LDLRAD3: variants seen among roughly 807,000 people sequenced by gnomAD.
LDLRAD3 encodes low density lipoprotein receptor class A domain containing 3, also known as low-density lipoprotein receptor class A domain-containing protein 3.
A neutral mutation model predicts 29.4 loss-of-function variants in LDLRAD3; 20 were observed. That is an observed-to-expected ratio of 0.68 (90% CI 0.48 to 0.99). LDLRAD3 has a LOEUF of 0.99. Ranked by LOEUF, LDLRAD3 falls within the 50% of genes least tolerant of loss-of-function variation. The pLI, the probability that LDLRAD3 is intolerant of heterozygous loss-of-function variation, is 0.00. For missense variants in LDLRAD3, 420 were observed against 454.3 expected (o/e 0.92, Z 0.69); for synonymous variants, 157 against 192.7 (o/e 0.81, Z 1.53).
intron 4 of LDLRAD3, among the ~76,000 whole-genome samples, chr11:36,220,297 A>G (rs1855410796): frequency 6.6e-6 from 1 of 152,174 alleles, no homozygotes. Flanking sequence ...TTTCTTCTAA[A>G]GTTAAACATA....
At chr11:36,072,797 G>A (rs1321983105) in intron 2 of LDLRAD3, among the ~76,000 whole-genome samples, 2 of 152,178 alleles carry the variant, frequency 1.3e-5, no homozygotes, top group East Asian at 1.9e-4. Context: ...GCTGTTACAC[G>A]AGTCTTTGTC....
chr11:35,967,236 TC>T (rs1008619977), intron 1 of LDLRAD3: 4 of 206,816 alleles, frequency 1.9e-5, no homozygotes, highest in Non-Finnish European at 3.0e-5. Flanking sequence ...TCTTCTGCTT[TC>T]CCCAGGGAGG....
chr11:36,102,548 G>C (rs1853466057), intron 4 of LDLRAD3, among the ~76,000 whole-genome samples: 1 of 152,062 alleles, frequency 6.6e-6, no homozygotes, highest in Non-Finnish European at 1.5e-5. Flanking sequence ...CCTTGGCCTT[G>C]AAAACTAACA....
At chr11:36,067,862 G>C (rs974657117) in intron 2 of LDLRAD3, among the ~76,000 whole-genome samples, 1 of 152,022 alleles carries the variant, frequency 6.6e-6, no homozygotes, top group Non-Finnish European at 1.5e-5. Flanking sequence ...TAGAGATAAG[G>C]TTTCACCATG....
Position 36,229,673 on chromosome 11 carries a change from G to A in LDLRAD3, c.*276G>A, listed in dbSNP as rs1855550198. 3 of 467,674 alleles carry A rather than the reference G, an allele frequency of 6.4e-6. No individual in the cohort carries two copies. Among genetic ancestry groups the A allele is most frequent in the Admixed American group, 3.6e-5 (1 of 27,648 alleles). The allele number at this position is 467,674 out of a possible 1,614,324, so 29.0% of individuals were successfully genotyped here. A position where few individuals can be genotyped will look rare whatever the true frequency, so the allele number is the denominator to read the frequency against. ...TCATTTTTCACATTATTCTGTTTCT[G>A]TTGGAGAGACAGCATATAAAACAGT... On this transcript the variant is annotated 3_prime_UTR_variant, in exon 6 of 6. Coordinates refer to ENST00000315571, the MANE Select transcript of LDLRAD3 (RefSeq NM_174902.4).
At chr11:36,081,328 A>T (rs1242575236) in intron 2 of LDLRAD3, among the ~76,000 whole-genome samples, 4 of 152,232 alleles carry the variant, frequency 2.6e-5, no homozygotes, top group African/African-American at 9.6e-5. Flanking sequence ...TTGGTGCTTC[A>T]GCACCTTCAT....
intron 2 of LDLRAD3, among the ~76,000 whole-genome samples, chr11:36,053,741 C>A (rs992924919): frequency 6.6e-6 from 1 of 152,166 alleles, no homozygotes; most frequent in Non-Finnish European, 1.5e-5. Flanking sequence ...CCATTAAGAT[C>A]TCTCTTCAGT....
intron 4 of LDLRAD3, among the ~76,000 whole-genome samples, chr11:36,108,214 G>A (rs894265694): frequency 6.6e-6 from 1 of 150,558 alleles, no homozygotes; most frequent in African/African-American, 2.4e-5. Flanking sequence ...CAGCTACTCT[G>A]GAGGCTGAGG....
intron 4 of LDLRAD3, among the ~76,000 whole-genome samples, chr11:36,125,822 A>G (rs540964307): frequency 8.3e-4 from 126 of 152,178 alleles, no homozygotes; most frequent in Middle Eastern, 3.4e-3. Flanking sequence ...AGTGCACAAG[A>G]TGTTTTCAAG....
At chr11:36,156,568 T>C (rs1434810679) in intron 4 of LDLRAD3, among the ~76,000 whole-genome samples, 1 of 152,220 alleles carries the variant, frequency 6.6e-6, no homozygotes, top group Admixed American at 6.5e-5. Flanking sequence ...AGATTGGGTT[T>C]TGTTTGTTTA....
chr11:36,061,341 A>G (rs1852696346), intron 2 of LDLRAD3, among the ~76,000 whole-genome samples: 1 of 152,074 alleles, frequency 6.6e-6, no homozygotes, highest in South Asian at 2.1e-4. Flanking sequence ...GGGTTTCACC[A>G]TGTTGGTCAG....
Position 36,223,612 on chromosome 11 carries a change from C to T in LDLRAD3, c.455-3473C>T, listed in dbSNP as rs183395129. Among the ~76,000 whole-genome samples the T allele has an allele frequency of 5.1e-3, 772 of 152,092 alleles. 8 individuals are homozygous for T. Among genetic ancestry groups the T allele is most frequent in the African/African-American group, 0.017 (698 of 41,484 alleles). On this transcript the variant is annotated intron_variant, in intron 4 of 5. Transcript: ENST00000315571. The stretch of plus-strand genomic sequence containing the variant: ...GGTTGTGTGACGCACCCTTGTAGTC[C>T]CAGCCACTGAGACGGGAAGGTGGCT...
intron 4 of LDLRAD3, among the ~76,000 whole-genome samples, chr11:36,222,496 C>T (rs1231396475): frequency 3.9e-5 from 6 of 152,166 alleles, no homozygotes; most frequent in Admixed American, 1.3e-4. Flanking sequence ...ATATACCAGG[C>T]ACGAATATAC....
intron 1 of LDLRAD3, among the ~76,000 whole-genome samples, chr11:35,998,428 G>T (rs571817330): frequency 3.3e-5 from 5 of 152,124 alleles, no homozygotes; most frequent in Non-Finnish European, 1.5e-5. Flanking sequence ...TCCCTGCCAG[G>T]CTCCTTTCAG....
chr11:36,194,372 A>G (rs1297334885), intron 4 of LDLRAD3, among the ~76,000 whole-genome samples: 1 of 152,232 alleles, frequency 6.6e-6, no homozygotes, highest in Non-Finnish European at 1.5e-5. Flanking sequence ...TCACCTAGCC[A>G]GATCAGAACT....
At chr11:36,106,304 C>A (rs1238341446) in intron 4 of LDLRAD3, among the ~76,000 whole-genome samples, 1 of 152,158 alleles carries the variant, frequency 6.6e-6, no homozygotes, top group Non-Finnish European at 1.5e-5. Context: ...GAGTCAGAAC[C>A]CTTCCATGTT....
intron 4 of LDLRAD3, among the ~76,000 whole-genome samples, chr11:36,142,324 G>T (rs559309977): frequency 6.6e-6 from 1 of 152,314 alleles, no homozygotes; most frequent in Admixed American, 6.5e-5. Flanking sequence ...ATAGACACAA[G>T]AATATCCATG....
intron 3 of LDLRAD3, among the ~76,000 whole-genome samples, chr11:36,085,198 A>G (rs181265561): frequency 1.3e-5 from 2 of 152,324 alleles, no homozygotes; most frequent in East Asian, 3.9e-4. Context: ...TTTTTACTGC[A>G]TATAGAATTC....
At chr11:36,177,596 T>C (rs1854697658) in intron 4 of LDLRAD3, among the ~76,000 whole-genome samples, 2 of 152,218 alleles carry the variant, frequency 1.3e-5, no homozygotes, top group Admixed American at 1.3e-4. Context: ...CTTCTGGGTC[T>C]AGCCACCCAG....
Sources: allele counts gnomAD v4.1 joint callset (sites outside exome capture counted in the v4.1 genomes callset), GRCh38; gene constraint gnomAD v4.1.1; transcripts MANE v1.5; gene names NCBI Gene and HGNC (gene_info 2026-07-23, HGNC 2026-07-21).